INPP4A: variants seen among roughly 807,000 people sequenced by gnomAD.
The protein encoded by INPP4A is inositol polyphosphate-4-phosphatase type I A, also known as inositol polyphosphate-4-phosphatase, type I, 107kD.
Under a neutral mutation model 119.8 loss-of-function variants are expected in INPP4A, and 33 were observed. The ratio of observed to expected loss-of-function variants is 0.28; its 90% CI spans 0.21 to 0.37. INPP4A has a LOEUF of 0.37. Among genes scored for constraint, INPP4A ranks in the 10% least tolerant of loss-of-function variants. The pLI is 1.00. For missense variants in INPP4A, 956 were observed against 1,289.9 expected (o/e 0.74, Z 3.97); for synonymous variants, 496 against 500.7 (o/e 0.99, Z 0.12).
chr2:98,578,619 C>T (rs368096817), intron 24 of INPP4A, among the ~76,000 whole-genome samples: 1 of 152,248 alleles, frequency 6.6e-6, no homozygotes, highest in Non-Finnish European at 1.5e-5. Flanking sequence ...AGCCCAGACC[C>T]GCAAGGGCCC....
At position 98,566,908 on chromosome 2, in the gene INPP4A, T is replaced by C. The variant is rs1553516164; in HGVS notation, c.2420+739T>C. On this transcript the variant is annotated intron_variant, in intron 21 of 24. Transcript: ENST00000409851. This position sits in a 1 kb window ranked among gnomAD's most constrained non-coding sequence, Gnocchi z 4.2. ...GTGTAGAATAGTCTAAACAGAGATC[T>C]TCAAGTACTTGCTGTGAAGGAAATT... Among the ~76,000 whole-genome samples the C allele has an allele frequency of 6.6e-6, 1 of 152,220 alleles. No homozygotes were observed. Among genetic ancestry groups the C allele is most frequent in the Non-Finnish European group, 1.5e-5 (1 of 68,036 alleles).
chr2:98,577,757 G>C (rs191602327), intron 24 of INPP4A, among the ~76,000 whole-genome samples: 1 of 152,174 alleles, frequency 6.6e-6, no homozygotes, highest in South Asian at 2.1e-4. Context: ...AATGAAACCC[G>C]GAACTAAAAG....
intron 21 of INPP4A, among the ~76,000 whole-genome samples, chr2:98,567,621 G>A (rs1696711472): frequency 6.6e-6 from 1 of 152,212 alleles, no homozygotes; most frequent in African/African-American, 2.4e-5. Flanking sequence ...ATTGAATAGA[G>A]GGGAGGGTGG....
At chr2:98,553,618 C>T (rs543991918) in intron 14 of INPP4A, among the ~76,000 whole-genome samples, 1 of 152,154 alleles carries the variant, frequency 6.6e-6, no homozygotes, top group Non-Finnish European at 1.5e-5. Context: ...CCTCCACACT[C>T]ACACTCACTG....
intron 22 of INPP4A, among the ~76,000 whole-genome samples, chr2:98,571,494 G>A (rs1217354098): frequency 6.6e-6 from 1 of 152,238 alleles, no homozygotes; most frequent in African/African-American, 2.4e-5. Flanking sequence ...GCACCTTAGA[G>A]GGCAGGCAGT....
intron 1 of INPP4A, among the ~76,000 whole-genome samples, chr2:98,470,331 A>T (rs1255120384): frequency 6.6e-6 from 1 of 152,244 alleles, no homozygotes; most frequent in East Asian, 1.9e-4. Flanking sequence ...GTGCACGTGC[A>T]GCCCCACCTG....
intron 1 of INPP4A, among the ~76,000 whole-genome samples, chr2:98,469,036 A>G (rs1018326478): frequency 6.6e-6 from 1 of 152,164 alleles, no homozygotes; most frequent in Non-Finnish European, 1.5e-5. Flanking sequence ...TCCTGGCTGT[A>G]CCTTACCATC....
intron 1 of INPP4A, among the ~76,000 whole-genome samples, chr2:98,448,760 A>G (rs868825921): frequency 5.5e-5 from 8 of 145,230 alleles, no homozygotes; most frequent in Non-Finnish European, 1.0e-4. Context: ...GTTGGAGTGC[A>G]GTGGTGCCAT....
Position 98,546,683 on chromosome 2 carries a change from G to A in INPP4A, c.1152G>A (p.Glu384=). 6.2e-7 allele frequency: 1 copy of A among 1,606,026 alleles called. No homozygotes were observed. The highest frequency in any genetic ancestry group is 8.5e-7 in the Non-Finnish European group (1 of 1,172,660). ...GLRKKLHKFE[E]TKKHTSSGCQ... is the part of the protein sequence containing the mutation. The stretch of plus-strand genomic sequence containing the variant: ...GCAAAAAGCTGCACAAATTTGAAGA[G>A]ACCAAGAAACAGTAAGTAGCCAGAG... The change falls in exon 13 of 25, where the codon GAG becomes GAA. Residue 384 remains glutamate, a synonymous_variant. Transcript: ENST00000409851. This position sits in a 1 kb window ranked among gnomAD's most constrained non-coding sequence, Gnocchi z 4.2.
In INPP4A at chr2:98,535,502, T is replaced by C. The variant is rs2278209; in HGVS notation, c.271-227T>C. On this transcript the variant is annotated intron_variant, in intron 5 of 24. Transcript: ENST00000409851. ...GCTTGTGTAATGGGCTGATTTATTGTATGTGGATCTGTAATGGTCTATGTC... is the reference window on the plus strand; with the variant it reads ...GCTTGTGTAATGGGCTGATTTATTGCATGTGGATCTGTAATGGTCTATGTC... Among the ~76,000 whole-genome samples, 43 of 152,346 alleles carry C rather than the reference T, an allele frequency of 2.8e-4. No individual in the cohort carries two copies. The East Asian group carries it at 7.1e-3, about 25-fold the overall frequency.
intron 22 of INPP4A, among the ~76,000 whole-genome samples, chr2:98,571,710 C>T (rs1290670802): frequency 2.0e-5 from 3 of 152,248 alleles, no homozygotes; most frequent in Admixed American, 6.5e-5. Context: ...AGCCCACCAG[C>T]TGAATACCCC....
chr2:98,501,452 C>T (rs1160412176), intron 1 of INPP4A, among the ~76,000 whole-genome samples: 8 of 152,184 alleles, frequency 5.3e-5, no homozygotes, highest in South Asian at 2.1e-4. Context: ...ATGCTAGCTT[C>T]GGGAGGTGAC....
chr2:98,590,285 T>G lies in INPP4A; in HGVS notation c.*2677T>G, dbSNP rs1700301047. ...ATACATGTTTGTAAACATGGGACCA[T>G]GGGAGACTTCCATTTTATAAGCTTG... is the stretch of plus-strand genomic sequence containing the variant. On this transcript the variant is annotated 3_prime_UTR_variant, in exon 25 of 25. Transcript: ENST00000409851. 5.1e-6 allele frequency: 1 copy of G among 197,386 alleles called. No homozygotes were observed. The highest frequency in any genetic ancestry group is 1.0e-5 in the Non-Finnish European group (1 of 95,304). 12.2% of individuals were successfully genotyped at this position (197,386 alleles called of 1,614,324 possible).
At position 98,554,911 on chromosome 2, in the gene INPP4A, T is replaced by G. The variant is rs1042699866; in HGVS notation, c.1566+422T>G. On this transcript the variant is annotated intron_variant, in intron 15 of 24. Coordinates refer to ENST00000409851, the MANE Select transcript of INPP4A (RefSeq NM_001134225.2). This position sits in a 1 kb window ranked among gnomAD's most constrained non-coding sequence, Gnocchi z 4.7. ...TGGTGCTGGGGCAAGTAGATATGGA[T>G]TTTGGAGCTGCCGCCCTGACATTAC... Among the ~76,000 whole-genome samples, 1 of 152,188 alleles carries G rather than the reference T, an allele frequency of 6.6e-6. No homozygotes were observed. The highest frequency in any genetic ancestry group is 2.4e-5 in the African/African-American group (1 of 41,440).
At chr2:98,460,608 C>A (rs1029169021) in intron 1 of INPP4A, among the ~76,000 whole-genome samples, 2 of 152,212 alleles carry the variant, frequency 1.3e-5, no homozygotes, top group African/African-American at 4.8e-5. Context: ...GTAATTCTTA[C>A]AATAATGCCT....
chr2:98,585,698 A>G (rs1036156178), intron 24 of INPP4A, among the ~76,000 whole-genome samples: 5 of 152,260 alleles, frequency 3.3e-5, no homozygotes, highest in East Asian at 1.9e-4. Context: ...TGCAAATTCA[A>G]ACATCTGGGG....
chr2:98,548,806 A>G (rs566000218), intron 13 of INPP4A: 29 of 725,512 alleles, frequency 4.0e-5, no homozygotes, highest in African/African-American at 3.9e-4. Flanking sequence ...CATTGGGCTC[A>G]TGATTGTAGT....
At chr2:98,532,220 C>T (rs766323258) in intron 4 of INPP4A, among the ~76,000 whole-genome samples, 15 of 152,120 alleles carry the variant, frequency 9.9e-5, no homozygotes, top group Non-Finnish European at 1.9e-4. Flanking sequence ...CTCCTTCCCT[C>T]TTTGTATTTT....
chr2:98,579,889 C>G (rs938049846), intron 24 of INPP4A, among the ~76,000 whole-genome samples: 10 of 152,258 alleles, frequency 6.6e-5, no homozygotes, highest in Non-Finnish European at 1.5e-4. Context: ...AAGCTCAATC[C>G]TACTTTACCT....
Sources: allele counts gnomAD v4.1 joint callset (sites outside exome capture counted in the v4.1 genomes callset), GRCh38; gene constraint gnomAD v4.1.1; non-coding constraint Gnocchi (gnomAD v3.1); transcripts MANE v1.5; gene names NCBI Gene and HGNC (gene_info 2026-07-23, HGNC 2026-07-21).